GRHL3: variants seen among roughly 807,000 people sequenced by gnomAD.
The protein encoded by GRHL3 is grainyhead like transcription factor 3, also known as grainyhead-like protein 3 homolog.
GRHL3 carries 20 observed loss-of-function variants against 70.3 expected under a neutral mutation model. That is an observed-to-expected ratio of 0.28 (90% CI 0.20 to 0.41). The LOEUF is 0.41. Among genes scored for constraint, GRHL3 ranks in the 10% least tolerant of loss-of-function variants. GRHL3 has a pLI of 1.00. For missense variants in GRHL3, 637 were observed against 762.3 expected, an observed-to-expected ratio of 0.84 and a Z score of 1.94; for synonymous variants, 299 against 299.9, an observed-to-expected ratio of 1.00 and a Z score of 0.03.
At chr1:24,323,998 C>T (rs150575869) in intron 1 of GRHL3, among the ~76,000 whole-genome samples, 2 of 152,254 alleles carry the variant, frequency 1.3e-5, no homozygotes, top group African/African-American at 2.4e-5. Flanking sequence ...GCACCCAGTA[C>T]GTGGCCATTT....
At position 24,342,653 on chromosome 1, in the gene GRHL3, C is replaced by T. The variant is rs2148660218; in HGVS notation, c.1207-41C>T. On this transcript the variant is annotated intron_variant, in intron 9 of 15. Transcript: ENST00000361548. This position sits in a 1 kb window ranked among gnomAD's most constrained non-coding sequence, Gnocchi z 4.8. The stretch of plus-strand genomic sequence containing the variant: ...CAGCAGCTGTGAAAGTAGCTAGCCC[C>T]TCCCAGGCCCTTGGTGACCCTCTCT... 1 of 1,570,424 alleles carries T rather than the reference C, an allele frequency of 6.4e-7. No homozygotes were observed. Among genetic ancestry groups the T allele is most frequent in the Non-Finnish European group, 8.8e-7 (1 of 1,140,340 alleles).
At chr1:24,338,566 T>C (rs978910466) in intron 7 of GRHL3, among the ~76,000 whole-genome samples, 1 of 152,204 alleles carries the variant, frequency 6.6e-6, no homozygotes, top group African/African-American at 2.4e-5. Flanking sequence ...AGCTTCTGGC[T>C]CCCTTACTCC....
At chr1:24,347,014 G>T (rs2148663990) in intron 13 of GRHL3, among the ~76,000 whole-genome samples, 1 of 152,256 alleles carries the variant, frequency 6.6e-6, no homozygotes, top group South Asian at 2.1e-4. Flanking sequence ...TACTTCCTTG[G>T]GGTGGGGAAC....
rs74060315 is a variant in GRHL3 at position 24,360,708 on chromosome 1, A to C, written c.1695-3477A>C. 566 of 729,046 alleles carry C rather than the reference A, an allele frequency of 7.8e-4. 1 individual carries two copies. In the African/African-American group the frequency reaches 8.5e-3, roughly 11 times the overall value. 45.2% of individuals were successfully genotyped at this position (729,046 alleles called of 1,614,324 possible). ...AACATTTTTGTACTGTGAAAATGTG[A>C]ACTGATAATGCTTCCAAATCTACCC... On this transcript the variant is annotated intron_variant, in intron 15 of 15. Transcript: ENST00000350501.
chr1:24,364,440 T>C (rs1641324715), exon 16 of GRHL3: 1 of 1,453,574 alleles, frequency 6.9e-7, no homozygotes, highest in Non-Finnish European at 9.1e-7. Context: ...GCTCAGAGTA[T>C]GTGGCCCCTG....
In GRHL3 at chr1:24,350,141, C is replaced by T. The variant is rs751734610; in HGVS notation, c.1694+19C>T. ...AGCGAGGGTGAGTGCCTAGTTCACC[C>T]TCCCCCAGCTGGTTGCTCAGTGCTG... On this transcript the variant is annotated intron_variant, in intron 15 of 15. Transcript: ENST00000361548. The T allele has an allele frequency of 6.2e-7, 1 of 1,607,534 alleles. No individual in the cohort carries two copies. Among genetic ancestry groups the T allele is most frequent in the African/African-American group, 1.3e-5 (1 of 74,900 alleles).
chr1:24,337,235 A>T, intron 5 of GRHL3, 84 bp downstream of exon 5: 1 of 910,980 alleles, frequency 1.1e-6, no homozygotes, highest in Non-Finnish European at 1.7e-6. Flanking sequence ...CCCAGAGCAT[A>T]GCAGGCACAA....
chr1:24,331,005 T>C (rs1283542536), intron 1 of GRHL3, among the ~76,000 whole-genome samples: 1 of 152,270 alleles, frequency 6.6e-6, no homozygotes, highest in Non-Finnish European at 1.5e-5. Flanking sequence ...TTCACAGTCT[T>C]GAGGACAACT....
rs1290894366 is a variant in GRHL3, at chr1:24,336,582, T to C, written c.367T>C (p.Tyr123His). ...AGAGAACGTGTCTGGAACCCCAGAG[T>C]ACCCAGATTTGCTCAAGAAGAATAA... ...LTENVSGTPE[Y>H]PDLLKKNNLM... is the part of the protein sequence containing the mutation. Residue 123 changes from tyrosine to histidine, a missense_variant, in exon 4 of 16, where the codon TAC becomes CAC. Tyr to His is a moderately conservative substitution (Grantham distance 83). Transcript: ENST00000361548. The C allele has an allele frequency of 1.9e-6, 3 of 1,613,692 alleles. No individual in the cohort carries two copies. Among genetic ancestry groups the C allele is most frequent in the East Asian group, 4.5e-5 (2 of 44,854 alleles).
At chr1:24,363,311 T>C (rs1321242288) in intron 15 of GRHL3, among the ~76,000 whole-genome samples, 1 of 152,234 alleles carries the variant, frequency 6.6e-6, no homozygotes, top group East Asian at 1.9e-4. Flanking sequence ...CCTAGCACTA[T>C]GGATCTTTCA....
rs1245724588 is a variant in GRHL3 at position 24,336,664 on chromosome 1, C to T, written c.449C>T (p.Ala150Val). 1.9e-6 allele frequency: 3 copies of T among 1,614,188 alleles called. No individual in the cohort carries two copies. Among genetic ancestry groups the T allele is most frequent in the Non-Finnish European group, 2.5e-6 (3 of 1,180,010 alleles). The change falls in exon 4 of 16, where the codon GCA (alanine) becomes GTA (valine). Residue 150 changes from alanine (A) to valine (V), a missense_variant. By Grantham distance (64) the Ala-to-Val change is moderately conservative. This residue lies in a region of GRHL3 where 250 missense variants were observed against 248.6 expected (regional missense o/e 1.01). Coordinates refer to ENST00000361548, the MANE Select transcript of GRHL3 (RefSeq NM_198173.3). ...CCTGGCAAGGCAGCTCCCCTCCCTG[C>T]AGGCCCCAGCAAGCTGGAGGCCGGC... is the stretch of plus-strand genomic sequence containing the variant. ...PTPGKAAPLPAGPSKLEAGSV... is the reference protein window; with the variant it reads ...PTPGKAAPLPVGPSKLEAGSV...
downstream of GRHL3, among the ~76,000 whole-genome samples, chr1:24,356,759 G>A (rs1020021780): frequency 1.3e-5 from 2 of 152,254 alleles, no homozygotes; most frequent in African/African-American, 2.4e-5. Flanking sequence ...AGCAGTCCCT[G>A]CGTACCCTCC....
intron 15 of GRHL3, chr1:24,364,130 A>AG: frequency 2.0e-6 from 3 of 1,469,034 alleles, no homozygotes; most frequent in Non-Finnish European, 2.7e-6. Context: ...TGTGAGAAAC[A>AG]CCAACTTTCC....
chr1:24,342,683 C>G lies in GRHL3; in HGVS notation c.1207-11C>G. ...AGGCCCTTGGTGACCCTCTCTCCTT[C>G]TCCCCTGCAGGGAGCTGAGAGGAAG... is the stretch of plus-strand genomic sequence containing the variant. On this transcript the variant is annotated splice_polypyrimidine_tract_variant and intron_variant, in intron 9 of 15. Coordinates refer to ENST00000361548, the MANE Select transcript of GRHL3 (RefSeq NM_198173.3). The surrounding 1 kb of genome is among the most constrained non-coding windows in gnomAD (Gnocchi z 4.8). 1 of 1,613,742 alleles carries G rather than the reference C, an allele frequency of 6.2e-7. No individual in the cohort carries two copies. Among genetic ancestry groups the G allele is most frequent in the Non-Finnish European group, 8.5e-7 (1 of 1,179,580 alleles).
downstream of GRHL3, chr1:24,358,050 A>AC: frequency 2.7e-6 from 1 of 368,436 alleles, no homozygotes. Context: ...CAGTAGACAT[A>AC]CCGTAAGTGA....
intron 1 of GRHL3, among the ~76,000 whole-genome samples, chr1:24,324,222 A>G (rs1639308874): frequency 6.6e-6 from 1 of 152,222 alleles, no homozygotes; most frequent in Non-Finnish European, 1.5e-5. Flanking sequence ...TTAAAATAGC[A>G]GAAACTCACT....
rs370976242 is a variant in GRHL3, at chr1:24,330,950, C to T, written c.18-476C>T. ...TCGCCCTGGCTCTCTCTGTCATAGA[C>T]CACGCTTTCTCCCAGACTTGAAATG... is the stretch of plus-strand genomic sequence containing the variant. On this transcript the variant is annotated intron_variant, in intron 1 of 15. Coordinates refer to ENST00000361548, the MANE Select transcript of GRHL3 (RefSeq NM_198173.3). Among the ~76,000 whole-genome samples the T allele has an allele frequency of 2.6e-4, 39 of 152,348 alleles. No individual in the cohort carries two copies. The South Asian group carries it at 5.8e-3, about 23-fold the overall frequency.
chr1:24,337,014 C>T (rs754688483), intron 4 of GRHL3, 64 bp from the exon 5 acceptor site: 15 of 1,516,896 alleles, frequency 9.9e-6, no homozygotes, highest in Non-Finnish European at 1.3e-5. Flanking sequence ...ATGCACAGCC[C>T]TGGGCTGAGG....
At chr1:24,360,909 G>A (rs781122156) in intron 15 of GRHL3, 31 of 1,613,796 alleles carry the variant, frequency 1.9e-5, no homozygotes, top group Non-Finnish European at 2.3e-5. Context: ...TATTGGACAC[G>A]AATGATGCAC....
Sources: allele counts gnomAD v4.1 joint callset (sites outside exome capture counted in the v4.1 genomes callset), GRCh38; gene constraint gnomAD v4.1.1; regional missense constraint gnomAD v4.1.1; non-coding constraint Gnocchi (gnomAD v3.1); transcripts MANE v1.5; gene names NCBI Gene and HGNC (gene_info 2026-07-23, HGNC 2026-07-21).